The following DNM2 variants were observed in gnomAD, a reference collection of about 807,000 sequenced individuals.
DNM2 encodes the protein dynamin 2, also known as dynamin-2.
Under a neutral mutation model 99.0 loss-of-function variants are expected in DNM2, and 15 were observed. That is an observed-to-expected ratio of 0.15 (90% CI 0.10 to 0.23). The LOEUF (loss-of-function observed/expected upper bound fraction) is 0.23, where lower values mean the gene tolerates loss of function less well. Among genes scored for constraint, DNM2 ranks in the 10% least tolerant of loss-of-function variants. The probability of loss-of-function intolerance (pLI) is 1.00; values close to 1 mark genes in which losing one functional copy is unlikely to be tolerated. For missense variants in DNM2, 742 were observed against 1,189.4 expected, an observed-to-expected ratio of 0.62 and a Z score of 5.53; for synonymous variants, 525 against 481.2, an observed-to-expected ratio of 1.09 and a Z score of -1.19.
chr19:10,779,474 T>TTTC, intron 5 of DNM2, among the ~76,000 whole-genome samples: 1 of 122,356 alleles, frequency 8.2e-6, no homozygotes, highest in South Asian at 3.2e-4. Context: ...TTATAAGTTT[T>TTTC]TTTCTTTCTT....
Position 10,820,978 on chromosome 19 carries a change from C to T in DNM2, c.1781+889C>T, listed in dbSNP as rs1298118277. Among the ~76,000 whole-genome samples the T allele has an allele frequency of 1.3e-5, 2 of 152,176 alleles. No homozygotes were observed. The highest frequency in any genetic ancestry group is 2.1e-4 in the South Asian group (1 of 4,818). ...CTCTTCCCATGCTCACACAATCACGCTCATCCAGGAAGCAGGGCCCACCTG... is the reference window on the plus strand; with the variant it reads ...CTCTTCCCATGCTCACACAATCACGTTCATCCAGGAAGCAGGGCCCACCTG... On this transcript the variant is annotated intron_variant, in intron 16 of 20. Transcript: ENST00000389253. This position sits in a 1 kb window ranked among gnomAD's most constrained non-coding sequence, Gnocchi z 4.3.
chr19:10,718,740 G>C (rs2068837189), intron 1 of DNM2: 2 of 194,466 alleles, frequency 1.0e-5, no homozygotes, highest in Non-Finnish European at 2.1e-5. Flanking sequence ...TCCCTCTTCT[G>C]CTCTTTCGGG....
At chr19:10,729,097 G>A (rs1335531116) in intron 1 of DNM2, among the ~76,000 whole-genome samples, 8 of 118,384 alleles carry the variant, frequency 6.8e-5, no homozygotes, top group Non-Finnish European at 1.1e-4. Flanking sequence ...CCCGGGAGGC[G>A]GAGCTTGCAG....
intron 1 of DNM2, among the ~76,000 whole-genome samples, chr19:10,737,357 C>G (rs2145742036): frequency 6.6e-6 from 1 of 152,258 alleles, no homozygotes; most frequent in South Asian, 2.1e-4. Context: ...TTAAAAGCCT[C>G]CTTCTCAAAA....
chr19:10,791,188 A>G (rs1275081828), intron 7 of DNM2, among the ~76,000 whole-genome samples: 1 of 152,110 alleles, frequency 6.6e-6, no homozygotes, highest in Non-Finnish European at 1.5e-5. Flanking sequence ...TCCTGGGCTC[A>G]AGCAATTCTT....
intron 1 of DNM2, among the ~76,000 whole-genome samples, chr19:10,738,479 G>A (rs1317779241): frequency 6.6e-6 from 1 of 151,808 alleles, no homozygotes; most frequent in Non-Finnish European, 1.5e-5. Context: ...AAAAAAAACA[G>A]GGGAGGGAGG....
At chr19:10,769,784 G>T (rs532425983) in intron 2 of DNM2, among the ~76,000 whole-genome samples, 2 of 152,290 alleles carry the variant, frequency 1.3e-5, no homozygotes, top group East Asian at 3.9e-4. Flanking sequence ...GAATCCTCCA[G>T]CAGATGTCCT....
In DNM2 at chr19:10,817,812, T is replaced by G. The variant is rs1284183908; in HGVS notation, c.1672-2168T>G. On this transcript the variant is annotated intron_variant, in intron 15 of 20. Coordinates refer to ENST00000389253, the MANE Select transcript of DNM2 (RefSeq NM_001005361.3). This position sits in a 1 kb window ranked among gnomAD's most constrained non-coding sequence, Gnocchi z 4.6. The stretch of plus-strand genomic sequence containing the variant: ...GGGCGCACACACACGTGTGTGTGTG[T>G]GTGTGCGCGCGCGCGCACGCGTGCG... Among the ~76,000 whole-genome samples the G allele has an allele frequency of 7.5e-6, 1 of 133,862 alleles. No homozygotes were observed. The highest frequency in any genetic ancestry group is 2.6e-5 in the African/African-American group (1 of 37,816). 87.8% of individuals were successfully genotyped at this position (133,862 alleles called of 152,430 possible).
intron 1 of DNM2, among the ~76,000 whole-genome samples, chr19:10,749,135 C>T (rs1204277726): frequency 6.6e-6 from 1 of 152,186 alleles, no homozygotes; most frequent in Non-Finnish European, 1.5e-5. Context: ...GGGGTGCTGG[C>T]TCTGGGCCAC....
At chr19:10,724,095 A>AG (rs1568262263) in intron 1 of DNM2, among the ~76,000 whole-genome samples, 3 of 112,520 alleles carry the variant, frequency 2.7e-5, no homozygotes, top group Non-Finnish European at 5.3e-5. Flanking sequence ...AAAAAAAAAA[A>AG]AAAGGCGATA....
chr19:10,726,940 G>A (rs376218830), intron 1 of DNM2, among the ~76,000 whole-genome samples: 2 of 152,256 alleles, frequency 1.3e-5, no homozygotes, highest in African/African-American at 4.8e-5. Context: ...CTATCAACTC[G>A]CTACTCAGAG....
chr19:10,806,069 C>T, intron 13 of DNM2, 102 bp downstream of exon 13: 1 of 1,439,594 alleles, frequency 6.9e-7, no homozygotes, highest in South Asian at 1.2e-5. Context: ...TAAAGCCCCA[C>T]CCCACAGCCT....
In DNM2 at chr19:10,831,730, T is replaced by TGGC. The variant is rs1251200565; in HGVS notation, c.*686_*688dup. On this transcript the variant is annotated 3_prime_UTR_variant, in exon 21 of 21. Transcript: ENST00000389253. The surrounding 1 kb of genome is among the most constrained non-coding windows in gnomAD (Gnocchi z 4.3). ...TGGGCTTGGGCTATGTGGGTGGTGGTGGCGGGGGGTCTTGGGGGCCTCTCA... is the reference window on the plus strand; with the variant it reads ...TGGGCTTGGGCTATGTGGGTGGTGGTGGCGGCGGGGGGTCTTGGGGGCCTCTCA... 1 of 986,226 alleles carries TGGC rather than the reference T, an allele frequency of 1.0e-6. No homozygotes were observed. The highest frequency in any genetic ancestry group is 1.2e-6 in the Non-Finnish European group (1 of 830,408). 61.1% of individuals were successfully genotyped at this position (986,226 alleles called of 1,614,324 possible).
intron 1 of DNM2, among the ~76,000 whole-genome samples, chr19:10,726,647 A>C (rs1299616805): frequency 6.6e-6 from 1 of 152,088 alleles, no homozygotes; most frequent in East Asian, 1.9e-4. Context: ...TCGGATCACC[A>C]GAGGTCAGGA....
At chr19:10,803,975 G>A (rs1351139751) in intron 12 of DNM2, among the ~76,000 whole-genome samples, 1 of 152,162 alleles carries the variant, frequency 6.6e-6, no homozygotes. Context: ...ATGTGGCCTG[G>A]AGAGATCTTC....
At chr19:10,738,061 G>A (rs531731761) in intron 1 of DNM2, among the ~76,000 whole-genome samples, 13 of 152,266 alleles carry the variant, frequency 8.5e-5, no homozygotes, top group African/African-American at 2.2e-4. Flanking sequence ...ACCAAGAGGA[G>A]TTAGGCCTGG....
intron 19 of DNM2, 119 bp downstream of exon 19, chr19:10,829,387 T>G: frequency 7.8e-7 from 1 of 1,282,354 alleles, no homozygotes; most frequent in South Asian, 1.3e-5. Flanking sequence ...CACCCAGGGC[T>G]GGGCACTGTG....
In DNM2 at chr19:10,817,397, T is replaced by C. The variant is rs369752459; in HGVS notation, c.1672-2583T>C. Reference sequence around the variant, plus strand: ...CACCTGCCGGCGAGTTTGGGGGGCCTGTCTCGACGAGCCGCTCACCCAAGC... The same window carrying C: ...CACCTGCCGGCGAGTTTGGGGGGCCCGTCTCGACGAGCCGCTCACCCAAGC... On this transcript the variant is annotated intron_variant, in intron 15 of 20. Transcript: ENST00000389253. This position sits in a 1 kb window ranked among gnomAD's most constrained non-coding sequence, Gnocchi z 4.6. 1.1e-4 allele frequency: 52 copies of C among 493,100 alleles called. No individual in the cohort carries two copies. The highest frequency in any genetic ancestry group is 2.9e-5 in the Non-Finnish European group (7 of 239,844). The allele number at this position is 493,100 out of a possible 1,614,324, so 30.5% of individuals were successfully genotyped here.
rs112981867 is a variant in DNM2 at position 10,799,542 on chromosome 19, T to G, written c.1422+970T>G. ...TTGTGTTGTGGTTTTTTGTTTTTTTTTTTTTTTTTGAGACAGAGTTTTGCT... is the reference window on the plus strand; with the variant it reads ...TTGTGTTGTGGTTTTTTGTTTTTTTGTTTTTTTTTGAGACAGAGTTTTGCT... On this transcript the variant is annotated intron_variant, in intron 11 of 20. Coordinates refer to ENST00000389253, the MANE Select transcript of DNM2 (RefSeq NM_001005361.3). Among the ~76,000 whole-genome samples the G allele has an allele frequency of 5.2e-3, 778 of 150,576 alleles. 11 individuals are homozygous for G. The highest frequency in any genetic ancestry group is 0.018 in the African/African-American group (734 of 41,100).
Sources: allele counts gnomAD v4.1 joint callset (sites outside exome capture counted in the v4.1 genomes callset), GRCh38; gene constraint gnomAD v4.1.1; non-coding constraint Gnocchi (gnomAD v3.1); transcripts MANE v1.5; gene names NCBI Gene and HGNC (gene_info 2026-07-23, HGNC 2026-07-21).